Variants in GABRB1 observed in about 807,000 individuals in gnomAD.
The protein encoded by GABRB1 is gamma-aminobutyric acid receptor subunit beta-1.
Under a neutral mutation model 51.6 loss-of-function variants are expected in GABRB1, and 17 were observed. The ratio of observed to expected loss-of-function variants is 0.33; its 90% confidence interval spans 0.23 to 0.49. GABRB1 has a LOEUF of 0.49. Among genes scored for constraint, GABRB1 ranks in the 20% least tolerant of loss-of-function variants. GABRB1 has a pLI of 0.99. For synonymous variants in GABRB1, 247 were observed against 218.9 expected (o/e 1.13, Z -1.14); for missense variants, 410 against 600.6 (o/e 0.68, Z 3.32).
intron 4 of GABRB1, among the ~76,000 whole-genome samples, chr4:47,206,330 G>A (rs146092553): frequency 6.7e-4 from 102 of 152,082 alleles, no homozygotes; most frequent in African/African-American, 2.4e-3. Context: ...AATGCCAAGG[G>A]TAGAAATGGA....
At chr4:47,049,604 A>G (rs1425600591) in intron 3 of GABRB1, among the ~76,000 whole-genome samples, 1 of 152,188 alleles carries the variant, frequency 6.6e-6, no homozygotes, top group East Asian at 1.9e-4. Flanking sequence ...TATTATTACC[A>G]CATAGCTTAC....
chr4:47,014,766 G>A (rs1724695654), intron 1 of GABRB1, among the ~76,000 whole-genome samples: 1 of 152,152 alleles, frequency 6.6e-6, no homozygotes, highest in Non-Finnish European at 1.5e-5. Flanking sequence ...GTTTAAATTT[G>A]AGAAAAATTG....
intron 8 of GABRB1, among the ~76,000 whole-genome samples, chr4:47,420,943 AACACACACACACACAC>A (rs71654875): frequency 7.1e-6 from 1 of 140,972 alleles, no homozygotes; most frequent in Non-Finnish European, 1.5e-5. Context: ...TACACACACA[AACACACACACACACAC>A]ACACACACAC....
At chr4:47,195,048 G>A (rs180994081) in intron 4 of GABRB1, among the ~76,000 whole-genome samples, 3 of 152,252 alleles carry the variant, frequency 2.0e-5, no homozygotes, top group Admixed American at 6.5e-5. Flanking sequence ...GTAAGCAGAG[G>A]TGGGTAAGGT....
intron 8 of GABRB1, among the ~76,000 whole-genome samples, chr4:47,407,469 G>T (rs976610787): frequency 1.4e-4 from 21 of 151,968 alleles, no homozygotes; most frequent in African/African-American, 5.1e-4. Flanking sequence ...TTTTCTCATT[G>T]GTACATCTTA....
intron 8 of GABRB1, among the ~76,000 whole-genome samples, chr4:47,421,403 T>C (rs1480581470): frequency 6.6e-6 from 1 of 152,128 alleles, no homozygotes; most frequent in African/African-American, 2.4e-5. Context: ...GAGAGATTCA[T>C]AATAATGTAA....
At chr4:47,087,496 T>C (rs1728125673) in intron 3 of GABRB1, among the ~76,000 whole-genome samples, 2 of 151,912 alleles carry the variant, frequency 1.3e-5, no homozygotes, top group South Asian at 2.1e-4. Context: ...GTGCCTTATT[T>C]GGCAGTATCT....
At chr4:47,210,754 T>G (rs1720322314) in intron 4 of GABRB1, among the ~76,000 whole-genome samples, 1 of 152,152 alleles carries the variant, frequency 6.6e-6, no homozygotes, top group Non-Finnish European at 1.5e-5. Context: ...TGTCAGTTGT[T>G]AAAGACATAG....
chr4:47,339,812 A>T (rs928954286), intron 5 of GABRB1, among the ~76,000 whole-genome samples: 1 of 134,112 alleles, frequency 7.5e-6, no homozygotes, highest in African/African-American at 3.0e-5. Context: ...ATAGAGCAAA[A>T]ATAAATAAAT....
chr4:47,282,355 C>A (rs1723322735), intron 4 of GABRB1, among the ~76,000 whole-genome samples: 2 of 152,200 alleles, frequency 1.3e-5, no homozygotes, highest in Admixed American at 1.3e-4. Context: ...AATCCTCTCC[C>A]ACCCCTACCA....
At chr4:47,382,701 T>G (rs987856094) in intron 5 of GABRB1, among the ~76,000 whole-genome samples, 20 of 152,156 alleles carry the variant, frequency 1.3e-4, no homozygotes, top group Admixed American at 8.5e-4. Context: ...GAGCAATAAG[T>G]ACAGAGCATT....
intron 5 of GABRB1, among the ~76,000 whole-genome samples, chr4:47,398,361 TC>T (rs1049590543): frequency 9.9e-5 from 15 of 152,200 alleles, no homozygotes; most frequent in Admixed American, 9.2e-4. Flanking sequence ...ACTCTGTACC[TC>T]AACTTTCTTT....
intron 4 of GABRB1, among the ~76,000 whole-genome samples, chr4:47,194,566 C>A (rs1302221278): frequency 6.6e-6 from 1 of 152,184 alleles, no homozygotes; most frequent in Non-Finnish European, 1.5e-5. Flanking sequence ...GTTGTTATGG[C>A]AAATACTATT....
intron 3 of GABRB1, among the ~76,000 whole-genome samples, chr4:47,068,345 A>T (rs2109540259): frequency 6.6e-6 from 1 of 152,300 alleles, no homozygotes; most frequent in South Asian, 2.1e-4. Flanking sequence ...AATTTGCTTC[A>T]AGAACTTTTC....
At chr4:47,150,930 A>T (rs1192429509) in intron 3 of GABRB1, among the ~76,000 whole-genome samples, 1 of 152,010 alleles carries the variant, frequency 6.6e-6, no homozygotes, top group Non-Finnish European at 1.5e-5. Flanking sequence ...GTAAATTTTT[A>T]AAATACAAGG....
At chr4:47,313,647 C>T (rs1467044367) in intron 4 of GABRB1, among the ~76,000 whole-genome samples, 1 of 152,086 alleles carries the variant, frequency 6.6e-6, no homozygotes, top group Admixed American at 6.6e-5. Flanking sequence ...TCACAAAGAG[C>T]TCATACACTC....
chr4:47,400,625 G>A (rs1248592398), intron 5 of GABRB1, among the ~76,000 whole-genome samples: 2 of 151,126 alleles, frequency 1.3e-5, no homozygotes, highest in African/African-American at 4.9e-5. Flanking sequence ...TTACATGGAT[G>A]AATTATATAG....
At chr4:47,311,226 T>A (rs1181676413) in intron 4 of GABRB1, among the ~76,000 whole-genome samples, 2 of 72,796 alleles carry the variant, frequency 2.7e-5, no homozygotes, top group African/African-American at 9.9e-5. Context: ...AAAACCCGTC[T>A]CTACTAAAAA....
At position 47,154,215 on chromosome 4, in the gene GABRB1, C is replaced by T. The variant is rs142426470; in HGVS notation, c.241-7034C>T. 3.6e-3 allele frequency among the ~76,000 whole-genome samples: 533 copies of T among 149,368 alleles called. 2 individuals carry two copies. Among genetic ancestry groups the T allele is most frequent in the Middle Eastern group, 7.1e-3 (2 of 282 alleles). On this transcript the variant is annotated intron_variant, in intron 3 of 8. Transcript: ENST00000295454. Reference sequence around the variant, plus strand: ...GGTTTAGATTGGTTTATTTATCAGGCCATTTTTCACTGAATGTCTTTGTCA... The same window carrying T: ...GGTTTAGATTGGTTTATTTATCAGGTCATTTTTCACTGAATGTCTTTGTCA...
Sources: allele counts gnomAD v4.1 joint callset (sites outside exome capture counted in the v4.1 genomes callset), GRCh38; gene constraint gnomAD v4.1.1; transcripts MANE v1.5; gene names NCBI Gene and HGNC (gene_info 2026-07-23, HGNC 2026-07-21).